The following ZNF124 variants were observed in gnomAD, a reference collection of about 807,000 sequenced individuals.
ZNF124 encodes the protein zinc finger protein HZF-16.
Under a neutral mutation model 26.6 loss-of-function variants are expected in ZNF124, and 25 were observed. That is an observed-to-expected ratio of 0.94 (90% confidence interval 0.68 to 1.31). ZNF124 has a LOEUF of 1.31. ZNF124 is among the 40% of genes most tolerant of loss of function. The probability of loss-of-function intolerance (pLI) is 0.00; values close to 1 mark genes in which losing one functional copy is unlikely to be tolerated. For synonymous variants in ZNF124, 129 were observed against 133.3 expected (o/e 0.97, Z 0.22); for missense variants, 444 against 422.2 (o/e 1.05, Z -0.45).
chr1:247,157,100 T>A lies in ZNF124; in HGVS notation c.522A>T (p.Gly174=). The A allele has an allele frequency of 6.2e-7, 1 of 1,614,176 alleles. No individual in the cohort carries two copies. Among genetic ancestry groups the A allele is most frequent in the South Asian group, 1.1e-5 (1 of 91,074 alleles). ...SLNRHKRIHT[G]EKRYECKQCG... is the part of the protein sequence containing the mutation. ...ATTGCTTACATTCATAGCGTTTTTC[T>A]CCAGTGTGAATCCTTTTATGTCTAT... Residue 174 remains glycine, a synonymous_variant, in exon 4 of 4, where the codon GGA becomes GGT. Coordinates refer to ENST00000543802, the MANE Select transcript of ZNF124 (RefSeq NM_001297568.2).
At chr1:247,158,943 CA>C in intron 3 of ZNF124, 62 bp downstream of exon 3, 1 of 1,492,614 alleles carries the variant, frequency 6.7e-7, no homozygotes, top group Non-Finnish European at 9.2e-7. Context: ...TTGCTTTAAA[CA>C]TATGATTATA....
At chr1:247,148,643 C>A (rs1672847366) in intron 3 of ZNF124, among the ~76,000 whole-genome samples, 1 of 152,116 alleles carries the variant, frequency 6.6e-6, no homozygotes, top group Admixed American at 6.6e-5. Context: ...TTGATCACAG[C>A]TGAGGAATCT....
intron 2 of ZNF124, among the ~76,000 whole-genome samples, chr1:247,159,367 C>A (rs1355221616): frequency 4.6e-5 from 7 of 152,124 alleles, no homozygotes; most frequent in Admixed American, 4.6e-4. Context: ...TGCTGTGATC[C>A]CTTTGCACAT....
At chr1:247,154,280 G>C (rs541325059), downstream of ZNF124, among the ~76,000 whole-genome samples, 1 of 152,182 alleles carries the variant, frequency 6.6e-6, no homozygotes. Context: ...TGAGTCTCAT[G>C]AGATCTGATG....
At chr1:247,152,681 G>A (rs949231327), downstream of ZNF124, among the ~76,000 whole-genome samples, 1 of 152,096 alleles carries the variant, frequency 6.6e-6, no homozygotes, top group Non-Finnish European at 1.5e-5. Context: ...TAATCTGGGT[G>A]TCACACAGAA....
chr1:247,136,777 T>G (rs1008651204), intron 3 of ZNF124, among the ~76,000 whole-genome samples: 1 of 151,982 alleles, frequency 6.6e-6, no homozygotes, highest in African/African-American at 2.4e-5. Context: ...TGAAATTCCA[T>G]CTCTACTAAA....
chr1:247,125,396 A>G (rs1043068627), intron 3 of ZNF124, among the ~76,000 whole-genome samples: 7 of 129,204 alleles, frequency 5.4e-5, no homozygotes, highest in Non-Finnish European at 1.1e-4. Flanking sequence ...GAGGGTTCCA[A>G]TTTCTCCGTA....
rs2103116655 is a variant in ZNF124, at chr1:247,155,368, T to G, written c.*1198A>C. On this transcript the variant is annotated 3_prime_UTR_variant, in exon 4 of 4. Transcript: ENST00000543802. ...TAACCCACAAAATTTTTAAAAAATT[T>G]TAAAAATATTTTATACTTTAAATAT... is the stretch of plus-strand genomic sequence containing the variant. Among the ~76,000 whole-genome samples the G allele has an allele frequency of 6.6e-6, 1 of 151,788 alleles. No homozygotes were observed. Among genetic ancestry groups the G allele is most frequent in the South Asian group, 2.1e-4 (1 of 4,834 alleles).
At chr1:247,124,617 C>T (rs528860192) in intron 3 of ZNF124, among the ~76,000 whole-genome samples, 2 of 152,218 alleles carry the variant, frequency 1.3e-5, no homozygotes, top group African/African-American at 2.4e-5. Context: ...CCTTTCCCCC[C>T]AGCCTATGCA....
intron 3 of ZNF124, among the ~76,000 whole-genome samples, chr1:247,135,173 T>C (rs1381856613): frequency 6.6e-6 from 1 of 151,874 alleles, no homozygotes; most frequent in Non-Finnish European, 1.5e-5. Flanking sequence ...TTCCAAAAGC[T>C]AGCAGAAGAC....
Position 247,156,648 on chromosome 1 carries a change from T to C in ZNF124, c.974A>G (p.Lys325Arg), listed in dbSNP as rs763472439. Residue 325 changes from lysine to arginine, a missense_variant, in exon 4 of 4, where the codon AAA becomes AGA. By Grantham distance (26) the Lys-to-Arg change is conservative (BLOSUM62 2). Coordinates refer to ENST00000543802, the MANE Select transcript of ZNF124 (RefSeq NM_001297568.2). The part of the protein sequence containing the change: ...EKPYECQKCG[K>R]AFSRASTLWK... ...AAGGGTACTAGCACGACTAAAGGCT[T>C]TGCCACATTTCTGACATTCATAGGG... The C allele has an allele frequency of 2.5e-6, 4 of 1,610,134 alleles. No individual in the cohort carries two copies. The highest frequency in any genetic ancestry group is 2.5e-6 in the Non-Finnish European group (3 of 1,178,806).
At chr1:247,158,697 T>C (rs1360603088) in intron 3 of ZNF124, among the ~76,000 whole-genome samples, 1 of 151,968 alleles carries the variant, frequency 6.6e-6, no homozygotes, top group Non-Finnish European at 1.5e-5. Context: ...TGGCACAACC[T>C]CAGCTCATTG....
At chr1:247,164,968 A>ATTT (rs753255072) in intron 1 of ZNF124, among the ~76,000 whole-genome samples, 2 of 146,548 alleles carry the variant, frequency 1.4e-5, no homozygotes, top group African/African-American at 5.0e-5. Flanking sequence ...CGACCATCTG[A>ATTT]TTTTTTTTTT....
In ZNF124 at chr1:247,156,906, C is replaced by G. The variant is rs1416989505; in HGVS notation, c.716G>C (p.Cys239Ser). ...ACTGAGACAACTGAAAGCTTTGCCA[C>G]ATTCCATGCACACATAAGGTTTCTC... ...TGEKPYVCME[C>S]GKAFSCLSSL... The change falls in exon 4 of 4, where the codon TGT (cysteine) becomes TCT (serine). Residue 239 changes from cysteine (C) to serine (S), a missense_variant. Coordinates refer to ENST00000543802, the MANE Select transcript of ZNF124 (RefSeq NM_001297568.2). 6.2e-7 allele frequency: 1 copy of G among 1,614,118 alleles called. No homozygotes were observed. Among genetic ancestry groups the G allele is most frequent in the South Asian group, 1.1e-5 (1 of 91,084 alleles).
chr1:247,158,963 T>C (rs1039115120), intron 3 of ZNF124, 43 bp downstream of exon 3: 5 of 1,564,182 alleles, frequency 3.2e-6, no homozygotes, highest in Admixed American at 1.8e-5. Context: ...TATACTACAA[T>C]TGACCCCAAG....
Position 247,156,398 on chromosome 1 carries a change from T to C in ZNF124, c.*168A>G. The C allele has an allele frequency of 7.9e-7, 1 of 1,260,958 alleles. No homozygotes were observed. Among genetic ancestry groups the C allele is most frequent in the South Asian group, 3.4e-5 (1 of 28,988 alleles). The allele number at this position is 1,260,958 out of a possible 1,614,324, so 78.1% of individuals were successfully genotyped here. A position where few individuals can be genotyped will look rare whatever the true frequency, so the allele number is the denominator to read the frequency against. On this transcript the variant is annotated 3_prime_UTR_variant, in exon 4 of 4. Coordinates refer to ENST00000543802, the MANE Select transcript of ZNF124 (RefSeq NM_001297568.2). Reference sequence around the variant, plus strand: ...TTCAAAAAGAAATGGAAAAATTGAATGCTTTACCTTATTGCTTATAGTCAT... The same window carrying C: ...TTCAAAAAGAAATGGAAAAATTGAACGCTTTACCTTATTGCTTATAGTCAT...
chr1:247,133,728 A>T (rs1159419456), intron 3 of ZNF124, among the ~76,000 whole-genome samples: 1 of 143,972 alleles, frequency 6.9e-6, no homozygotes, highest in Non-Finnish European at 1.5e-5. Context: ...ATCTCAGCTC[A>T]CTGCAACCTC....
At chr1:247,151,182 A>G (rs1286174506), downstream of ZNF124, among the ~76,000 whole-genome samples, 9 of 152,154 alleles carry the variant, frequency 5.9e-5, no homozygotes, top group African/African-American at 2.2e-4. Flanking sequence ...AAAATGACAG[A>G]AAATACCATG....
At chr1:247,166,201 A>G (rs528634392) in intron 1 of ZNF124, among the ~76,000 whole-genome samples, 1 of 152,290 alleles carries the variant, frequency 6.6e-6, no homozygotes, top group Non-Finnish European at 1.5e-5. Context: ...AAGTGAAAAC[A>G]AAACAAAACA....
Sources: gnomAD v4.1 joint callset for allele counts (sites outside exome capture counted in the v4.1 genomes callset) on GRCh38, gnomAD v4.1.1 for gene constraint, MANE v1.5 for transcripts, NCBI Gene and HGNC (gene_info 2026-07-23, HGNC 2026-07-21) for gene names.